Variants in CDC37L1 observed in about 807,000 individuals in gnomAD.
The protein encoded by CDC37L1 is hsp90 co-chaperone Cdc37-like 1.
A neutral mutation model predicts 45.9 loss-of-function variants in CDC37L1; 32 were observed. That is an observed-to-expected ratio of 0.70 (90% confidence interval 0.53 to 0.94). The LOEUF (loss-of-function observed/expected upper bound fraction) is 0.94. CDC37L1 is among the 40% of genes least tolerant of loss of function. The probability of loss-of-function intolerance (pLI) is 0.00; values close to 1 mark genes in which losing one functional copy is unlikely to be tolerated. For synonymous variants in CDC37L1, 150 were observed against 133.0 expected, an observed-to-expected ratio of 1.13 and a Z score of -0.88; for missense variants, 434 against 405.7, an observed-to-expected ratio of 1.07 and a Z score of -0.60.
chr9:4,692,168 A>G (rs1841306542), intron 3 of CDC37L1, among the ~76,000 whole-genome samples: 1 of 150,718 alleles, frequency 6.6e-6, no homozygotes, highest in African/African-American at 2.4e-5. Context: ...GTAATTGTTC[A>G]TTGCTTTTAA....
chr9:4,696,093 C>G (rs1841345147), intron 3 of CDC37L1, among the ~76,000 whole-genome samples: 1 of 152,102 alleles, frequency 6.6e-6, no homozygotes, highest in South Asian at 2.1e-4. Flanking sequence ...GCCCCACCCC[C>G]TTTTTTTAAG....
rs1563767478 is a variant in CDC37L1 at position 4,685,159 on chromosome 9, G to T, written c.414+1G>T. The T allele has an allele frequency of 6.2e-7, 1 of 1,610,326 alleles. No individual in the cohort carries two copies. ...CATTAGCAAGGATGTTTTTAATAAG[G>T]TATGAGCTTTTACTGGGCCATAATG... On this transcript the variant is annotated splice_donor_variant, in intron 2 of 6. Coordinates refer to ENST00000381854, the MANE Select transcript of CDC37L1 (RefSeq NM_017913.4). LOFTEE classifies it high-confidence loss of function.
intron 6 of CDC37L1, chr9:4,702,966 A>C (rs2130854939): frequency 1.2e-6 from 1 of 851,392 alleles, no homozygotes; most frequent in African/African-American, 1.8e-5. Flanking sequence ...AGACATGATC[A>C]GACCACTGGT....
intron 2 of CDC37L1, among the ~76,000 whole-genome samples, chr9:4,687,996 T>C (rs1258568908): frequency 6.6e-6 from 1 of 152,176 alleles, no homozygotes; most frequent in Non-Finnish European, 1.5e-5. Context: ...TCCACACATA[T>C]ATCGTATGTA....
At chr9:4,702,134 T>C in intron 6 of CDC37L1, 106 bp downstream of exon 6, 1 of 496,446 alleles carries the variant, frequency 2.0e-6, no homozygotes, top group Non-Finnish European at 3.4e-6. Context: ...CTATTTTAAA[T>C]ATTCCTGCCT....
Position 4,685,172 on chromosome 9 carries a change from C to G in CDC37L1, c.414+14C>G, listed in dbSNP as rs144791243. On this transcript the variant is annotated intron_variant, in intron 2 of 6. Transcript: ENST00000381854. ...GTTTTTAATAAGGTATGAGCTTTTA[C>G]TGGGCCATAATGAAAGAAGAAAAAC... The G allele has an allele frequency of 1.1e-4, 177 of 1,600,640 alleles. 1 individual carries two copies. The East Asian group carries it at 3.4e-3, about 30-fold the overall frequency.
intron 5 of CDC37L1, among the ~76,000 whole-genome samples, chr9:4,701,504 G>C (rs1296407461): frequency 6.6e-6 from 1 of 152,218 alleles, no homozygotes; most frequent in Non-Finnish European, 1.5e-5. Flanking sequence ...GTAGGAAGAA[G>C]ATAGAATGAA....
chr9:4,690,743 A>G (rs1012326033), intron 3 of CDC37L1, among the ~76,000 whole-genome samples: 44 of 152,210 alleles, frequency 2.9e-4, no homozygotes, highest in Non-Finnish European at 4.9e-4. Flanking sequence ...CAGAGTCACA[A>G]TGTGCCTGTT....
chr9:4,702,094 C>T, intron 6 of CDC37L1, 66 bp downstream of exon 6: 1 of 802,954 alleles, frequency 1.2e-6, no homozygotes, highest in Middle Eastern at 3.4e-4. Flanking sequence ...GTTATTTTGC[C>T]CCACTCTTTT....
rs1563770079 is a variant in CDC37L1 at position 4,693,302 on chromosome 9, G to C, written c.509-3794G>C. 2.6e-5 allele frequency among the ~76,000 whole-genome samples: 4 copies of C among 151,876 alleles called. No homozygotes were observed. In the South Asian group the frequency reaches 8.3e-4, roughly 32 times the overall value. The stretch of plus-strand genomic sequence containing the variant: ...ACAAAAAAAAAAAAAAATTCGTCAG[G>C]TGTGGAGGCTTATACCTGTAGTCCC... On this transcript the variant is annotated intron_variant, in intron 3 of 6. Transcript: ENST00000381854.
rs927367464 is a variant in CDC37L1 at position 4,708,317 on chromosome 9, A to AT, written c.*2212dup. 6.6e-6 allele frequency: 1 copy of AT among 152,208 alleles called. No homozygotes were observed. Among genetic ancestry groups the AT allele is most frequent in the Non-Finnish European group, 1.5e-5 (1 of 68,028 alleles). The allele number at this position is 152,208 out of a possible 1,614,324, so 9.4% of individuals were successfully genotyped here. A position where few individuals can be genotyped will look rare whatever the true frequency, so the allele number is the denominator to read the frequency against. On this transcript the variant is annotated 3_prime_UTR_variant, in exon 7 of 7. Coordinates refer to ENST00000381854, the MANE Select transcript of CDC37L1 (RefSeq NM_017913.4). ...GAAAGTGCAAACACATGAATGAAACATTTTTTTACATCAAAGTATCATCAA... is the reference window on the plus strand; with the variant it reads ...GAAAGTGCAAACACATGAATGAAACATTTTTTTTACATCAAAGTATCATCAA...
chr9:4,701,364 T>C (rs938879139), intron 5 of CDC37L1, among the ~76,000 whole-genome samples: 3 of 152,246 alleles, frequency 2.0e-5, no homozygotes, highest in African/African-American at 4.8e-5. Flanking sequence ...TATTGAATTC[T>C]ATTTGGTTTT....
chr9:4,701,786 G>T (rs1841399805), intron 5 of CDC37L1, 78 bp from the exon 6 acceptor site: 1 of 1,096,706 alleles, frequency 9.1e-7, no homozygotes, highest in East Asian at 2.5e-5. Context: ...CTTCAAACCT[G>T]TTATATGCTT....
In CDC37L1 at chr9:4,679,748, A is replaced by G. The variant is rs765137666; in HGVS notation, c.-20A>G. ...CAGTTGTAGGGCCAAGGGCGGTTGT[A>G]GGACCCGGAGCAGCCGGACATGGAA... On this transcript the variant is annotated 5_prime_UTR_variant, in exon 1 of 7. Transcript: ENST00000381854. The G allele has an allele frequency of 3.1e-6, 5 of 1,603,472 alleles. No homozygotes were observed. In the East Asian group the frequency reaches 1.1e-4, roughly 36 times the overall value.
chr9:4,690,745 G>A (rs891532364), intron 3 of CDC37L1, among the ~76,000 whole-genome samples: 1 of 152,196 alleles, frequency 6.6e-6, no homozygotes, highest in African/African-American at 2.4e-5. Context: ...GAGTCACAAT[G>A]TGCCTGTTTC....
chr9:4,680,192 A>G (rs1019562285), intron 1 of CDC37L1, among the ~76,000 whole-genome samples: 2 of 152,152 alleles, frequency 1.3e-5, no homozygotes, highest in Non-Finnish European at 2.9e-5. Context: ...CCTTCCTGAC[A>G]GCACTCAGAT....
At position 4,707,758 on chromosome 9, in the gene CDC37L1, C is replaced by T. The variant is rs1187705097; in HGVS notation, c.*1646C>T. ...TCTTTTTGTTCTGTTCTGAAGCAAGCTCTTATTTTTCCCTTTCTACCAAAT... is the reference window on the plus strand; with the variant it reads ...TCTTTTTGTTCTGTTCTGAAGCAAGTTCTTATTTTTCCCTTTCTACCAAAT... On this transcript the variant is annotated 3_prime_UTR_variant, in exon 7 of 7. Transcript: ENST00000381854. 1 of 151,502 alleles carries T rather than the reference C, an allele frequency of 6.6e-6. No individual in the cohort carries two copies. Among genetic ancestry groups the T allele is most frequent in the Non-Finnish European group, 1.5e-5 (1 of 67,924 alleles). The allele number at this position is 151,502 out of a possible 1,614,324, so 9.4% of individuals were successfully genotyped here.
chr9:4,683,140 TGA>T (rs1491236409), intron 1 of CDC37L1, among the ~76,000 whole-genome samples: 1 of 144,862 alleles, frequency 6.9e-6, no homozygotes, highest in South Asian at 2.1e-4. Flanking sequence ...TTATAATATA[TGA>T]ATATATATTA....
At chr9:4,683,101 T>A (rs1000314202) in intron 1 of CDC37L1, among the ~76,000 whole-genome samples, 1 of 144,210 alleles carries the variant, frequency 6.9e-6, no homozygotes, top group African/African-American at 2.5e-5. Context: ...TATTTTATTT[T>A]TATATATAAA....
Sources: gnomAD v4.1 joint callset for allele counts (sites outside exome capture counted in the v4.1 genomes callset) on GRCh38, gnomAD v4.1.1 for gene constraint, MANE v1.5 for transcripts, NCBI Gene and HGNC (gene_info 2026-07-23, HGNC 2026-07-21) for gene names.